FTO: variants seen among roughly 807,000 people sequenced by gnomAD.
FTO encodes FTO alpha-ketoglutarate dependent dioxygenase.
Under a neutral mutation model 63.9 loss-of-function variants are expected in FTO, and 47 were observed. The ratio of observed to expected loss-of-function variants is 0.74; its 90% confidence interval spans 0.58 to 0.94. FTO has a LOEUF of 0.94. Ranked by LOEUF, FTO falls within the 40% of genes least tolerant of loss-of-function variation. The probability of loss-of-function intolerance (pLI) is 0.00; values close to 1 mark genes in which losing one functional copy is unlikely to be tolerated. For missense variants in FTO, 562 were observed against 618.1 expected (o/e 0.91, Z 0.96); for synonymous variants, 207 against 224.4 (o/e 0.92, Z 0.69).
At chr16:53,708,771 A>C (rs1008634704) in intron 1 of FTO, among the ~76,000 whole-genome samples, 3 of 152,174 alleles carry the variant, frequency 2.0e-5, no homozygotes, top group African/African-American at 7.2e-5. Context: ...TCTGATGGGT[A>C]ATAATGTTAT....
chr16:54,032,518 T>C (rs1483949593), intron 8 of FTO, among the ~76,000 whole-genome samples: 1 of 152,212 alleles, frequency 6.6e-6, no homozygotes, highest in Admixed American at 6.5e-5. Flanking sequence ...TTATGTCTGC[T>C]CAGTCATCTG....
At chr16:54,028,959 T>C (rs1283694224) in intron 8 of FTO, among the ~76,000 whole-genome samples, 1 of 152,160 alleles carries the variant, frequency 6.6e-6, no homozygotes, top group African/African-American at 2.4e-5. Flanking sequence ...CTCAGAATGA[T>C]CAATATTAAC....
At chr16:53,987,514 C>T (rs1158251487) in intron 8 of FTO, among the ~76,000 whole-genome samples, 4 of 148,820 alleles carry the variant, frequency 2.7e-5, no homozygotes, top group African/African-American at 9.9e-5. Context: ...ACCCAGGAGG[C>T]GGATGTTACA....
chr16:53,779,783 T>C (rs555786004), intron 1 of FTO, among the ~76,000 whole-genome samples: 1 of 152,220 alleles, frequency 6.6e-6, no homozygotes, highest in Non-Finnish European at 1.5e-5. Context: ...CCATGGAAGC[T>C]AGCTAGCGCT....
At chr16:53,933,497 C>T (rs552212076) in intron 7 of FTO, among the ~76,000 whole-genome samples, 1 of 152,204 alleles carries the variant, frequency 6.6e-6, no homozygotes, top group South Asian at 2.1e-4. Context: ...CCCCTTCTTC[C>T]CCCACAAAAC....
chr16:53,878,518 T>C (rs904615740), intron 5 of FTO, among the ~76,000 whole-genome samples: 4 of 152,200 alleles, frequency 2.6e-5, no homozygotes, highest in African/African-American at 9.6e-5. Context: ...TGTCGCATTG[T>C]ATAAAATGGC....
intron 1 of FTO, among the ~76,000 whole-genome samples, chr16:53,778,505 C>A (rs149162439): frequency 0.011 from 1,629 of 152,160 alleles, 23 homozygotes; most frequent in Admixed American, 0.014. Context: ...AATGTCCACA[C>A]GGTGAAAAAA....
chr16:53,878,523 A>G (rs1380457961), intron 5 of FTO, among the ~76,000 whole-genome samples: 1 of 152,180 alleles, frequency 6.6e-6, no homozygotes, highest in African/African-American at 2.4e-5. Flanking sequence ...CATTGTATAA[A>G]ATGGCAGTAA....
At chr16:53,738,322 T>TA (rs2076438946) in intron 1 of FTO, among the ~76,000 whole-genome samples, 1 of 152,174 alleles carries the variant, frequency 6.6e-6, no homozygotes. Context: ...TTTAACTTTT[T>TA]ATAGAGATGA....
At chr16:53,748,099 C>T (rs2076691244) in intron 1 of FTO, among the ~76,000 whole-genome samples, 1 of 151,976 alleles carries the variant, frequency 6.6e-6, no homozygotes, top group Non-Finnish European at 1.5e-5. Flanking sequence ...ATGCCTCCAG[C>T]TTTGTTCTTT....
intron 3 of FTO, among the ~76,000 whole-genome samples, chr16:53,836,350 G>T (rs775762097): frequency 6.6e-6 from 1 of 152,158 alleles, no homozygotes; most frequent in Non-Finnish European, 1.5e-5. Flanking sequence ...CCCCACAACA[G>T]TAAACACTCT....
chr16:53,766,273 CG>C (rs887526808), intron 1 of FTO, among the ~76,000 whole-genome samples: 2 of 152,014 alleles, frequency 1.3e-5, no homozygotes, highest in Admixed American at 1.3e-4. Context: ...TTGCCCAGGC[CG>C]GAGTGCAGTG....
chr16:53,760,820 T>G (rs2151601162), intron 1 of FTO, among the ~76,000 whole-genome samples: 1 of 151,640 alleles, frequency 6.6e-6, no homozygotes, highest in South Asian at 2.1e-4. Context: ...AGAGACAGGG[T>G]TTCACCATGT....
At chr16:53,712,208 A>G (rs2075791114) in intron 1 of FTO, among the ~76,000 whole-genome samples, 1 of 152,172 alleles carries the variant, frequency 6.6e-6, no homozygotes, top group Non-Finnish European at 1.5e-5. Context: ...GGTCCTGAGA[A>G]GGTTCTTTTG....
chr16:53,876,452 T>TA (rs2080656895), intron 5 of FTO, among the ~76,000 whole-genome samples: 2 of 152,126 alleles, frequency 1.3e-5, no homozygotes, highest in South Asian at 2.1e-4. Context: ...TCATCAAAGT[T>TA]AAAAACTTTT....
In FTO at chr16:54,006,754, G is replaced by A. The variant is rs773860038; in HGVS notation, c.1364+72645G>A. On this transcript the variant is annotated intron_variant, in intron 8 of 8. Coordinates refer to ENST00000471389, the MANE Select transcript of FTO (RefSeq NM_001080432.3). ...AAGTGAAAGGATAGGCTCCAAGCCC[G>A]CTGTTTGGGTAAACCCACACTGAAC... Among the ~76,000 whole-genome samples, 8 of 152,326 alleles carry A rather than the reference G, an allele frequency of 5.3e-5. No homozygotes were observed. The South Asian group carries it at 1.5e-3, about 28-fold the overall frequency.
At chr16:53,818,641 C>T (rs1027075961) in intron 2 of FTO, among the ~76,000 whole-genome samples, 2 of 149,602 alleles carry the variant, frequency 1.3e-5, no homozygotes, top group Non-Finnish European at 3.0e-5. Flanking sequence ...TTTTGGCTAT[C>T]TTTTTATCCA....
At chr16:54,071,602 T>C (rs73621747) in intron 8 of FTO, 25 of 152,308 alleles carry the variant, frequency 1.6e-4, no homozygotes, top group African/African-American at 6.0e-4. Flanking sequence ...CCACGTTTAC[T>C]GTTATTATGG....
Position 54,112,510 on chromosome 16 carries a change from TC to T in FTO, c.*596del, listed in dbSNP as rs1466701179. ...GTACAGATATGGAACATTTTCATCA[TC>T]GAAGAAAGTCCTATTGGACAACACT... On this transcript the variant is annotated 3_prime_UTR_variant, in exon 9 of 9. Transcript: ENST00000471389. 6.5e-6 allele frequency: 1 copy of T among 152,794 alleles called. No homozygotes were observed. Among genetic ancestry groups the T allele is most frequent in the African/African-American group, 2.4e-5 (1 of 41,476 alleles). 9.5% of individuals were successfully genotyped at this position (152,794 alleles called of 1,614,324 possible).
Sources: allele counts gnomAD v4.1 joint callset (sites outside exome capture counted in the v4.1 genomes callset), GRCh38; gene constraint gnomAD v4.1.1; transcripts MANE v1.5; gene names NCBI Gene and HGNC (gene_info 2026-07-23, HGNC 2026-07-21).